The following OTC variants were observed in gnomAD, a reference collection of about 807,000 sequenced individuals.
OTC encodes the protein ornithine transcarbamylase, mitochondrial.
OTC carries 3 observed loss-of-function variants against 30.3 expected under a neutral mutation model. The observed-to-expected ratio is 0.10, with a 90% confidence interval of 0.05 to 0.26. The LOEUF (loss-of-function observed/expected upper bound fraction) is 0.26, where lower values mean the gene tolerates loss of function less well. Among genes scored for constraint, OTC ranks in the 10% least tolerant of loss-of-function variants. OTC has a pLI of 1.00. For missense variants in OTC, 194 were observed against 260.3 expected (o/e 0.75, Z 1.75); for synonymous variants, 111 against 99.7 (o/e 1.11, Z -0.67).
intron 1 of OTC, among the ~76,000 whole-genome samples, chrX:38,358,680 G>A (rs1211292172): frequency 2.0e-5 from 2 of 100,343 alleles, no homozygotes; most frequent in East Asian, 3.0e-4. Context: ...GGAGTGCAAC[G>A]GCGCGATCTC....
chrX:38,334,030 A>C, the OTC span, among the ~76,000 whole-genome samples: 1 of 112,079 alleles, frequency 8.9e-6, no homozygotes, highest in Admixed American at 9.5e-5. Flanking sequence ...CCAGAGAAGA[A>C]ATTTTGCACT....
chrX:38,386,765 A>G (rs752522704), intron 4 of OTC, among the ~76,000 whole-genome samples: 92 of 112,547 alleles, frequency 8.2e-4, no homozygotes, highest in Admixed American at 1.6e-3. Flanking sequence ...AAGGAACACA[A>G]TAATACAAAT....
the OTC span, among the ~76,000 whole-genome samples, chrX:38,330,229 T>C: frequency 8.9e-6 from 1 of 111,764 alleles, no homozygotes; most frequent in Non-Finnish European, 1.9e-5. Flanking sequence ...GCAAGCAGCC[T>C]CTGAAAGCCG....
intron 1 of OTC, among the ~76,000 whole-genome samples, chrX:38,357,279 T>C (rs1040438263): frequency 8.9e-6 from 1 of 112,599 alleles, no homozygotes; most frequent in Admixed American, 9.4e-5. Context: ...TTGTATTACT[T>C]TGATCCCTTC....
intron 1 of OTC, among the ~76,000 whole-genome samples, chrX:38,354,920 C>G (rs1272424807): frequency 4.5e-5 from 5 of 111,717 alleles, no homozygotes; most frequent in Non-Finnish European, 9.4e-5. Context: ...GAGAAAAACT[C>G]CCTGTCAACT....
At chrX:38,332,523 T>TATATAC in the OTC span, among the ~76,000 whole-genome samples, 1 of 86,405 alleles carries the variant, frequency 1.2e-5, no homozygotes, top group African/African-American at 4.4e-5. Flanking sequence ...TATATATATA[T>TATATAC]ATATATATAT....
At chrX:38,420,786 G>T (rs2068591119) in intron 9 of OTC, among the ~76,000 whole-genome samples, 1 of 111,157 alleles carries the variant, frequency 9.0e-6, no homozygotes. Context: ...CTGGAATGAG[G>T]CCTAATTATG....
Position 38,401,397 on chromosome X carries a change from T to C in OTC, c.509T>C (p.Ile170Thr). 8.3e-7 allele frequency: 1 copy of C among 1,208,819 alleles called. No individual in the cohort carries two copies. Among genetic ancestry groups the C allele is most frequent in the Non-Finnish European group, 1.1e-6 (1 of 892,727 alleles). Residue 170 changes from isoleucine (I) to threonine (T), a missense_variant, in exon 5 of 10, where the codon ATC becomes ACC. Coordinates refer to ENST00000039007, the MANE Select transcript of OTC (RefSeq NM_000531.6). ...INGLSDLYHP[I>T]QILADYLTLQ... ...GGGCTGTCAGATTTGTACCATCCTA[T>C]CCAGATCCTGGCTGATTACCTCACG...
At chrX:38,410,259 T>C (rs1395796321) in intron 8 of OTC, among the ~76,000 whole-genome samples, 1 of 111,896 alleles carries the variant, frequency 8.9e-6, no homozygotes, top group Non-Finnish European at 1.9e-5. Context: ...CCATATTTCT[T>C]TGTGCAAATA....
chrX:38,339,688 CCTTA>C, the OTC span, among the ~76,000 whole-genome samples: 1 of 110,728 alleles, frequency 9.0e-6, no homozygotes, highest in Non-Finnish European at 1.9e-5. Context: ...AGCATTTTTA[CCTTA>C]CTTACCCTTT....
At chrX:38,404,582 A>C (rs2068506886) in intron 6 of OTC, among the ~76,000 whole-genome samples, 2 of 111,998 alleles carry the variant, frequency 1.8e-5, no homozygotes. Context: ...ATATTCTTTC[A>C]CATGGAAAAA....
the OTC span, among the ~76,000 whole-genome samples, chrX:38,332,504 T>TTATATATA: frequency 4.7e-3 from 186 of 39,356 alleles, 5 homozygotes; most frequent in Middle Eastern, 0.056. Flanking sequence ...GCCCTAGATT[T>TTATATATA]TATATATATA....
chrX:38,397,892 G>C (rs779104858), intron 4 of OTC, among the ~76,000 whole-genome samples: 1 of 111,517 alleles, frequency 9.0e-6, no homozygotes, highest in East Asian at 2.8e-4. Context: ...CCAAAAAGCA[G>C]AATATGGCAT....
intron 4 of OTC, among the ~76,000 whole-genome samples, chrX:38,393,216 C>A (rs1363886816): frequency 1.8e-5 from 2 of 112,186 alleles, no homozygotes; most frequent in African/African-American, 6.5e-5. Flanking sequence ...ACATTGATTG[C>A]AAACTTAATG....
At position 38,420,655 on chromosome X, in the gene OTC, A is replaced by G. The variant is rs746236443; in HGVS notation, c.1006-368A>G. Among the ~76,000 whole-genome samples the G allele has an allele frequency of 4.5e-5, 5 of 110,877 alleles. No individual in the cohort carries two copies. The South Asian group carries it at 1.9e-3, about 43-fold the overall frequency. ...AGAGATCAAACCACGGTATAAACAC[A>G]AGGATCTGGAATAGGAGAGATGATA... On this transcript the variant is annotated intron_variant, in intron 9 of 9. Transcript: ENST00000039007.
chrX:38,380,908 T>C (rs1319533416), intron 3 of OTC, among the ~76,000 whole-genome samples: 1 of 111,373 alleles, frequency 9.0e-6, no homozygotes, highest in African/African-American at 3.3e-5. Context: ...TTTGTATTTT[T>C]AGTAGAGACA....
intron 9 of OTC, among the ~76,000 whole-genome samples, chrX:38,419,956 A>T (rs1209017034): frequency 1.8e-5 from 2 of 110,977 alleles, no homozygotes; most frequent in Non-Finnish European, 1.9e-5. Flanking sequence ...CAGCAGAATG[A>T]TTATAGTCAA....
intron 4 of OTC, among the ~76,000 whole-genome samples, chrX:38,390,136 A>G (rs1420805842): frequency 8.9e-6 from 1 of 112,398 alleles, no homozygotes; most frequent in African/African-American, 3.2e-5. Flanking sequence ...CAACCTGGCC[A>G]TTATAGATCC....
the OTC span, among the ~76,000 whole-genome samples, chrX:38,338,063 T>C: frequency 8.9e-6 from 1 of 112,032 alleles, no homozygotes; most frequent in East Asian, 2.8e-4. Flanking sequence ...TCTCATGTAT[T>C]TCCATGTCAA....
Sources: allele counts gnomAD v4.1 joint callset (sites outside exome capture counted in the v4.1 genomes callset), GRCh38; gene constraint gnomAD v4.1.1; transcripts MANE v1.5; gene names NCBI Gene and HGNC (gene_info 2026-07-23, HGNC 2026-07-21).